The following PIP4K2B variants were observed in gnomAD, a reference collection of about 807,000 sequenced individuals.
The protein encoded by PIP4K2B is phosphatidylinositol 5-phosphate 4-kinase type-2 beta.
Under a neutral mutation model 42.0 loss-of-function variants are expected in PIP4K2B, and 3 were observed. The ratio of observed to expected loss-of-function variants is 0.07; its 90% CI spans 0.03 to 0.18. PIP4K2B has a LOEUF of 0.18. PIP4K2B is among the 10% of genes least tolerant of loss of function. The probability of loss-of-function intolerance (pLI) is 1.00; values close to 1 mark genes in which losing one functional copy is unlikely to be tolerated. For synonymous variants in PIP4K2B, 204 were observed against 210.1 expected (o/e 0.97, Z 0.25); for missense variants, 332 against 562.3 (o/e 0.59, Z 4.14).
At chr17:38,786,993 G>A in intron 1 of PIP4K2B, 73 bp from the exon 2 acceptor site, 1 of 941,298 alleles carries the variant, frequency 1.1e-6, no homozygotes, top group African/African-American at 1.6e-5. Flanking sequence ...CTACAATGTG[G>A]ATGCCACAAT....
At chr17:38,787,035 TGTC>T in intron 1 of PIP4K2B, 115 bp from the exon 2 acceptor site, 2 of 762,724 alleles carry the variant, frequency 2.6e-6, no homozygotes, top group South Asian at 3.0e-5. Flanking sequence ...TTTCCCTCTC[TGTC>T]TTTTTTTGTT....
intron 9 of PIP4K2B, 95 bp from the exon 10 acceptor site, chr17:38,769,866 T>C (rs1485886872): frequency 2.0e-5 from 23 of 1,162,570 alleles, no homozygotes; most frequent in Non-Finnish European, 2.9e-5. Flanking sequence ...AGCCTCTTAC[T>C]CAGTATCAGA....
intron 8 of PIP4K2B, 51 bp downstream of exon 8, chr17:38,770,963 G>A (rs771591139): frequency 2.2e-5 from 36 of 1,602,314 alleles, no homozygotes; most frequent in Non-Finnish European, 3.0e-5. Context: ...ATGAGCTGAG[G>A]GGGTAGGATG....
rs4082473 is a variant in PIP4K2B at position 38,779,362 on chromosome 17, G to A, written c.654+21C>T. On this transcript the variant is annotated intron_variant, in intron 5 of 9. Transcript: ENST00000619039. ...TCAGATAGAGGGGAGGCACAGCTCC[G>A]GCAAACACAGAGCCCTTTACCTTGA... 8,447 of 1,547,406 alleles carry A rather than the reference G, an allele frequency of 5.5e-3. 366 individuals carry two copies. In the African/African-American group the frequency reaches 0.097, roughly 18 times the overall value.
intron 3 of PIP4K2B, among the ~76,000 whole-genome samples, chr17:38,783,385 C>T (rs1862098222): frequency 2.6e-5 from 4 of 152,044 alleles, no homozygotes; most frequent in Admixed American, 1.3e-4. Flanking sequence ...GGATTGATTC[C>T]TCCCAACAGG....
intron 1 of PIP4K2B, among the ~76,000 whole-genome samples, chr17:38,788,984 T>C (rs1032978966): frequency 7.3e-5 from 11 of 150,434 alleles, no homozygotes; most frequent in African/African-American, 2.2e-4. Flanking sequence ...CCAGGCATAG[T>C]CGTGTACACC....
At chr17:38,793,542 C>A (rs1259677603) in intron 1 of PIP4K2B, among the ~76,000 whole-genome samples, 1 of 152,140 alleles carries the variant, frequency 6.6e-6, no homozygotes, top group Non-Finnish European at 1.5e-5. Context: ...CCATGCCAGG[C>A]CCCTCTGAAG....
At chr17:38,796,925 C>G (rs1178888455) in intron 1 of PIP4K2B, among the ~76,000 whole-genome samples, 1 of 152,072 alleles carries the variant, frequency 6.6e-6, no homozygotes, top group East Asian at 1.9e-4. Flanking sequence ...GGTCCTGATC[C>G]CTTAGACGAG....
intron 9 of PIP4K2B, 65 bp from the exon 10 acceptor site, chr17:38,769,836 G>C (rs879071967): frequency 4.1e-6 from 6 of 1,449,672 alleles, no homozygotes; most frequent in East Asian, 4.5e-5. Context: ...CTGCACATGG[G>C]GGGAGCCAGG....
chr17:38,787,862 T>A (rs1414081395), intron 1 of PIP4K2B, among the ~76,000 whole-genome samples: 1 of 152,182 alleles, frequency 6.6e-6, no homozygotes, highest in Admixed American at 6.5e-5. Flanking sequence ...CCTCCCAAAG[T>A]GTTGGGATTA....
At chr17:38,794,547 A>G (rs1910523838) in intron 1 of PIP4K2B, among the ~76,000 whole-genome samples, 1 of 141,710 alleles carries the variant, frequency 7.1e-6, no homozygotes, top group African/African-American at 2.6e-5. Flanking sequence ...TCTAGTTGGG[A>G]GGATTGCTTC....
At chr17:38,795,772 G>T (rs186880997) in intron 1 of PIP4K2B, among the ~76,000 whole-genome samples, 176 of 149,640 alleles carry the variant, frequency 1.2e-3, no homozygotes, top group Non-Finnish European at 2.1e-3. Context: ...AAAAAGAAAA[G>T]AATATGTACA....
In PIP4K2B at chr17:38,769,771, C is replaced by A. The variant is rs904348367; in HGVS notation, c.1171G>T (p.Ala391Ser). The A allele has an allele frequency of 6.2e-7, 1 of 1,613,796 alleles. No individual in the cohort carries two copies. Among genetic ancestry groups the A allele is most frequent in the Non-Finnish European group, 8.5e-7 (1 of 1,179,860 alleles). Residue 391 changes from alanine to serine, a missense_variant and splice_region_variant, in exon 10 of 10, where the codon GCA (alanine) becomes TCA (serine). By Grantham distance (99) the Ala-to-Ser change is moderately conservative (BLOSUM62 1). Transcript: ENST00000619039. ...TTCACAGTCGAGATCTCGGCCCCTG[C>A]CTGTAATACACAAGAGGCTGATTCA... The part of the protein sequence containing the change: ...AHAAKTVKHG[A>S]GAEISTVNPE...
Position 38,789,901 on chromosome 17 carries a change from A to T in PIP4K2B, c.160-2981T>A, listed in dbSNP as rs71367794. Among the ~76,000 whole-genome samples, 130 of 152,264 alleles carry T rather than the reference A, an allele frequency of 8.5e-4. 1 individual carries two copies. The highest frequency in any genetic ancestry group is 2.5e-3 in the African/African-American group (105 of 41,552). On this transcript the variant is annotated intron_variant, in intron 1 of 9. Coordinates refer to ENST00000619039, the MANE Select transcript of PIP4K2B (RefSeq NM_003559.5). ...TAATTCCATTTATATGAAATTCTAC[A>T]GCAGGCATCTATAATGAGAGAAATG...
chr17:38,781,047 G>C (rs1005199055), intron 3 of PIP4K2B, among the ~76,000 whole-genome samples: 1 of 152,130 alleles, frequency 6.6e-6, no homozygotes, highest in East Asian at 1.9e-4. Flanking sequence ...CAGTCTCTTG[G>C]GGGTAGCAAA....
intron 1 of PIP4K2B, among the ~76,000 whole-genome samples, chr17:38,798,521 A>G (rs906999224): frequency 1.4e-4 from 21 of 152,306 alleles, no homozygotes; most frequent in Non-Finnish European, 2.6e-4. Context: ...CACACAACAG[A>G]TAAGTCAACA....
Position 38,780,549 on chromosome 17 carries a change from G to C in PIP4K2B, c.410C>G (p.Thr137Arg). 1 of 1,613,742 alleles carries C rather than the reference G, an allele frequency of 6.2e-7. No individual in the cohort carries two copies. Among genetic ancestry groups the C allele is most frequent in the Non-Finnish European group, 8.5e-7 (1 of 1,179,614 alleles). Residue 137 changes from threonine to arginine, a missense_variant, in exon 4 of 10, where the codon ACG becomes AGG. This residue lies in a region of PIP4K2B where 186 missense variants were observed against 288.4 expected (regional missense o/e 0.64). Transcript: ENST00000619039. ...INSDSQGRCGTRFLTTYDRRF... is the reference protein window; with the variant it reads ...INSDSQGRCGRRFLTTYDRRF... ...CCGGTCGTAGGTGGTGAGGAAACGC[G>C]TGCCACACCGACCCTGGCTGTCACT...
intron 2 of PIP4K2B, among the ~76,000 whole-genome samples, chr17:38,785,909 T>A (rs1050116037): frequency 6.6e-6 from 1 of 152,176 alleles, no homozygotes; most frequent in Non-Finnish European, 1.5e-5. Flanking sequence ...CAGAACAACC[T>A]TCTTTCTGGT....
At chr17:38,780,393 G>A in intron 4 of PIP4K2B, 59 bp downstream of exon 4, 2 of 1,494,204 alleles carry the variant, frequency 1.3e-6, no homozygotes, top group Non-Finnish European at 1.8e-6. Flanking sequence ...GCTCCCCCAG[G>A]GCTCTCTTCT....
Sources: gnomAD v4.1 joint callset for allele counts (sites outside exome capture counted in the v4.1 genomes callset) on GRCh38, gnomAD v4.1.1 for gene constraint, gnomAD v4.1.1 regional missense constraint, MANE v1.5 for transcripts, NCBI Gene and HGNC (gene_info 2026-07-23, HGNC 2026-07-21) for gene names.